Variants in TRAPPC8 observed in about 807,000 individuals in gnomAD.
The protein encoded by TRAPPC8 is trafficking protein particle complex subunit 8.
A neutral mutation model predicts 174.3 loss-of-function variants in TRAPPC8; 54 were observed. The observed-to-expected ratio is 0.31, with a 90% CI of 0.25 to 0.39. The LOEUF (loss-of-function observed/expected upper bound fraction) is 0.39. Ranked by LOEUF, TRAPPC8 falls within the 10% of genes least tolerant of loss-of-function variation. The probability of loss-of-function intolerance (pLI) is 1.00; values close to 1 mark genes in which losing one functional copy is unlikely to be tolerated. For missense variants in TRAPPC8, 1,531 were observed against 1,699.1 expected (o/e 0.90, Z 1.74); for synonymous variants, 630 against 579.9 (o/e 1.09, Z -1.24).
At chr18:31,923,503 T>A (rs2037475887) in intron 2 of TRAPPC8, among the ~76,000 whole-genome samples, 2 of 152,140 alleles carry the variant, frequency 1.3e-5, no homozygotes, top group African/African-American at 2.4e-5. Context: ...TTTAACAGAA[T>A]GAATGAAAAG....
At chr18:31,848,239 T>C (rs1358859310) in intron 25 of TRAPPC8, among the ~76,000 whole-genome samples, 2 of 152,180 alleles carry the variant, frequency 1.3e-5, no homozygotes, top group Non-Finnish European at 2.9e-5. Context: ...CTTAGATAAC[T>C]TTCTTCTTTA....
intron 10 of TRAPPC8, among the ~76,000 whole-genome samples, chr18:31,899,363 G>A (rs779287055): frequency 7.2e-5 from 11 of 152,104 alleles, no homozygotes; most frequent in Non-Finnish European, 1.6e-4. Context: ...GATTTCTTCT[G>A]CATGGTGGCG....
chr18:31,940,537 T>G (rs1306805131), intron 1 of TRAPPC8, among the ~76,000 whole-genome samples: 3 of 137,208 alleles, frequency 2.2e-5, no homozygotes, highest in Admixed American at 7.3e-5. Flanking sequence ...ACTAAAATTT[T>G]TTGTTGTTGT....
intron 12 of TRAPPC8, among the ~76,000 whole-genome samples, chr18:31,886,764 C>T (rs1427611511): frequency 6.6e-6 from 1 of 152,146 alleles, no homozygotes; most frequent in African/African-American, 2.4e-5. Context: ...GAGCGGATCA[C>T]GAGGTCAGGA....
At chr18:31,845,972 C>G (rs938624269) in intron 26 of TRAPPC8, among the ~76,000 whole-genome samples, 1 of 152,162 alleles carries the variant, frequency 6.6e-6, no homozygotes, top group Non-Finnish European at 1.5e-5. Context: ...ATGCTATCAG[C>G]AGCTGCTACA....
chr18:31,862,015 G>A (rs1380897264), intron 19 of TRAPPC8, among the ~76,000 whole-genome samples: 1 of 150,654 alleles, frequency 6.6e-6, no homozygotes, highest in Admixed American at 6.6e-5. Flanking sequence ...AGTATATTTT[G>A]GTGTCTTACA....
intron 11 of TRAPPC8, among the ~76,000 whole-genome samples, chr18:31,891,844 C>T (rs567626789): frequency 2.4e-4 from 37 of 152,226 alleles, no homozygotes; most frequent in African/African-American, 8.4e-4. Flanking sequence ...ACTGTCTCTG[C>T]GTCAATCATA....
intron 25 of TRAPPC8, among the ~76,000 whole-genome samples, chr18:31,848,394 T>C (rs1183068584): frequency 6.6e-6 from 1 of 152,162 alleles, no homozygotes; most frequent in African/African-American, 2.4e-5. Context: ...ATATTATAGA[T>C]TGCTACACGG....
chr18:31,928,859 T>C (rs962404651), intron 2 of TRAPPC8, among the ~76,000 whole-genome samples: 6 of 152,098 alleles, frequency 3.9e-5, no homozygotes, highest in African/African-American at 1.4e-4. Flanking sequence ...CAGAATCACA[T>C]ATAAAGGTCT....
chr18:31,829,894 A>T lies in TRAPPC8; in HGVS notation c.*861T>A, dbSNP rs548553886. ...CAAATGCCCATTCTCTGAATAAAAA[A>T]ATATTTTGAAACCAGACTTTCTAAT... On this transcript the variant is annotated 3_prime_UTR_variant, in exon 29 of 29. Transcript: ENST00000283351. The T allele has an allele frequency of 6.5e-6, 1 of 152,766 alleles. No individual in the cohort carries two copies. The highest frequency in any genetic ancestry group is 2.1e-4 in the South Asian group (1 of 4,826). The allele number at this position is 152,766 out of a possible 1,614,324, so 9.5% of individuals were successfully genotyped here.
intron 28 of TRAPPC8, 146 bp downstream of exon 28, chr18:31,831,938 C>A: frequency 2.2e-6 from 1 of 460,446 alleles, no homozygotes; most frequent in East Asian, 4.3e-5. Context: ...GCCTCTGTAA[C>A]ACATCTGTAA....
chr18:31,928,903 A>G (rs973741667), intron 2 of TRAPPC8, among the ~76,000 whole-genome samples: 9 of 152,278 alleles, frequency 5.9e-5, no homozygotes, highest in East Asian at 1.9e-4. Context: ...CAGCCAGGCC[A>G]GGAGTGGTGG....
In TRAPPC8 at chr18:31,829,324, A is replaced by C. The variant is rs1568020548; in HGVS notation, c.*1431T>G. 6.6e-6 allele frequency: 1 copy of C among 152,208 alleles called. No individual in the cohort carries two copies. Among genetic ancestry groups the C allele is most frequent in the South Asian group, 2.1e-4 (1 of 4,832 alleles). 9.4% of individuals were successfully genotyped at this position (152,208 alleles called of 1,614,324 possible). On this transcript the variant is annotated 3_prime_UTR_variant, in exon 29 of 29. Coordinates refer to ENST00000283351, the MANE Select transcript of TRAPPC8 (RefSeq NM_014939.5). ...TTCAGCTGAGTGGTTTAAATATGAGATACCACTGTGATTATGCCTCCTCAT... is the reference window on the plus strand; with the variant it reads ...TTCAGCTGAGTGGTTTAAATATGAGCTACCACTGTGATTATGCCTCCTCAT...
At chr18:31,915,317 C>T (rs938309597) in intron 4 of TRAPPC8, among the ~76,000 whole-genome samples, 8 of 151,312 alleles carry the variant, frequency 5.3e-5, no homozygotes, top group Non-Finnish European at 1.2e-4. Context: ...AAAAATTAGC[C>T]GGGCGTAGTG....
chr18:31,864,197 AATTT>A (rs1192947009), intron 19 of TRAPPC8, among the ~76,000 whole-genome samples: 8 of 151,630 alleles, frequency 5.3e-5, no homozygotes, highest in Non-Finnish European at 1.0e-4. Context: ...TCCAAATTTT[AATTT>A]GTATGGTATA....
chr18:31,837,967 TAA>T (rs35815014), intron 27 of TRAPPC8, among the ~76,000 whole-genome samples: 9 of 129,024 alleles, frequency 7.0e-5, no homozygotes, highest in Admixed American at 3.9e-4. Flanking sequence ...AAAAATCACT[TAA>T]AAAAAAAAAA....
intron 27 of TRAPPC8, among the ~76,000 whole-genome samples, chr18:31,834,328 T>C (rs191998971): frequency 5.8e-4 from 88 of 152,224 alleles, no homozygotes; most frequent in African/African-American, 2.1e-3. Flanking sequence ...TAGGCTGGTC[T>C]TGAACTCCTG....
chr18:31,912,023 A>T (rs1056525474), intron 5 of TRAPPC8, among the ~76,000 whole-genome samples: 1 of 152,154 alleles, frequency 6.6e-6, no homozygotes, highest in Non-Finnish European at 1.5e-5. Flanking sequence ...CCATCAACTT[A>T]AGCCAATAGG....
chr18:31,873,633 T>C (rs544720591), intron 13 of TRAPPC8, 95 bp from the exon 14 acceptor site: 3 of 803,004 alleles, frequency 3.7e-6, no homozygotes, highest in Admixed American at 5.6e-5. Context: ...ATTAAAAATA[T>C]GTTAAGCAAG....
Sources: allele counts gnomAD v4.1 joint callset (sites outside exome capture counted in the v4.1 genomes callset), GRCh38; gene constraint gnomAD v4.1.1; transcripts MANE v1.5; gene names NCBI Gene and HGNC (gene_info 2026-07-23, HGNC 2026-07-21).